The following SBF2 variants were observed in gnomAD, a reference collection of about 807,000 sequenced individuals.
SBF2 encodes myotubularin-related protein 13.
Under a neutral mutation model 225.2 loss-of-function variants are expected in SBF2, and 112 were observed. The observed-to-expected ratio is 0.50, with a 90% CI of 0.43 to 0.58. The LOEUF (loss-of-function observed/expected upper bound fraction) is 0.58, where lower values mean the gene tolerates loss of function less well. Ranked by LOEUF, SBF2 falls within the 20% of genes least tolerant of loss-of-function variation. The probability of loss-of-function intolerance (pLI) is 0.00; values close to 1 mark genes in which losing one functional copy is unlikely to be tolerated. For synonymous variants in SBF2, 763 were observed against 773.3 expected (o/e 0.99, Z 0.22); for missense variants, 1,996 against 2,206.2 (o/e 0.90, Z 1.91).
At chr11:9,911,601 A>C (rs924631770) in intron 16 of SBF2, among the ~76,000 whole-genome samples, 1 of 152,198 alleles carries the variant, frequency 6.6e-6, no homozygotes, top group Non-Finnish European at 1.5e-5. Context: ...GTCTAAATGT[A>C]AAGTGTTTAT....
chr11:9,812,447 T>C (rs900298067), intron 30 of SBF2, 85 bp downstream of exon 30: 2 of 1,431,014 alleles, frequency 1.4e-6, no homozygotes, highest in Non-Finnish European at 1.9e-6. Flanking sequence ...GAACAAAGTA[T>C]TTTTTTTCTC....
intron 13 of SBF2, among the ~76,000 whole-genome samples, chr11:9,981,860 G>A (rs1174800664): frequency 6.6e-6 from 1 of 152,032 alleles, no homozygotes; most frequent in East Asian, 1.9e-4. Flanking sequence ...CTAAAGTCAG[G>A]ACCTAATCGT....
At chr11:10,229,627 G>GT (rs1288178716) in intron 1 of SBF2, among the ~76,000 whole-genome samples, 2 of 152,204 alleles carry the variant, frequency 1.3e-5, no homozygotes, top group African/African-American at 2.4e-5. Context: ...GTGGTTTTGA[G>GT]TGAGTTTCTT....
chr11:9,937,196 T>C lies in SBF2; in HGVS notation c.1860+24761A>G, dbSNP rs1864956582. On this transcript the variant is annotated intron_variant, in intron 16 of 39. Transcript: ENST00000256190. ...TTTGACACATATTCAGCACAATATA[T>C]GCAAATACCCCAATGACATCAGCGG... Among the ~76,000 whole-genome samples the C allele has an allele frequency of 2.0e-5, 3 of 152,186 alleles. No individual in the cohort carries two copies. In the South Asian group the frequency reaches 6.2e-4, roughly 31 times the overall value.
At chr11:10,239,850 TTA>T (rs1274780381) in intron 1 of SBF2, among the ~76,000 whole-genome samples, 1 of 152,182 alleles carries the variant, frequency 6.6e-6, no homozygotes. Context: ...AAAATTTTGA[TTA>T]TGTTTTATGT....
rs181062900 is a variant in SBF2 at position 10,137,495 on chromosome 11, A to G, written c.141+56407T>C. On this transcript the variant is annotated intron_variant, in intron 2 of 39. Transcript: ENST00000256190. ...TCTCAATCTTAGGGGGAAAGCATTCAATTTTTCACCAGTAAGTATAATGTT... is the reference window on the plus strand; with the variant it reads ...TCTCAATCTTAGGGGGAAAGCATTCGATTTTTCACCAGTAAGTATAATGTT... Among the ~76,000 whole-genome samples, 60 of 152,304 alleles carry G rather than the reference A, an allele frequency of 3.9e-4. 1 individual carries two copies. The highest frequency in any genetic ancestry group is 1.3e-3 in the African/African-American group (54 of 41,558).
intron 2 of SBF2, among the ~76,000 whole-genome samples, chr11:10,044,965 C>A (rs1046531213): frequency 1.3e-5 from 2 of 152,134 alleles, no homozygotes; most frequent in Non-Finnish European, 2.9e-5. Context: ...AACCACTAGA[C>A]TGGGAAGCAA....
chr11:10,199,296 C>A (rs1957491911), intron 1 of SBF2, among the ~76,000 whole-genome samples: 1 of 152,016 alleles, frequency 6.6e-6, no homozygotes, highest in Non-Finnish European at 1.5e-5. Flanking sequence ...AAATTTGCCA[C>A]CTTTCATGGG....
chr11:10,115,031 A>G (rs1953063491), intron 2 of SBF2, among the ~76,000 whole-genome samples: 1 of 152,214 alleles, frequency 6.6e-6, no homozygotes, highest in Non-Finnish European at 1.5e-5. Context: ...TATGGGAAAG[A>G]GGTTCATATG....
intron 16 of SBF2, among the ~76,000 whole-genome samples, chr11:9,947,098 C>T (rs934290940): frequency 6.6e-6 from 1 of 152,164 alleles, no homozygotes; most frequent in Non-Finnish European, 1.5e-5. Context: ...ACTGGTAGTC[C>T]ATGGCATGCA....
chr11:10,031,899 C>T (rs780563090), intron 3 of SBF2, among the ~76,000 whole-genome samples: 23 of 152,110 alleles, frequency 1.5e-4, no homozygotes, highest in Non-Finnish European at 2.6e-4. Flanking sequence ...CACTCCACCA[C>T]GCCAGGTTAA....
At chr11:10,152,406 G>A (rs749128663) in intron 2 of SBF2, among the ~76,000 whole-genome samples, 3 of 151,880 alleles carry the variant, frequency 2.0e-5, no homozygotes, top group African/African-American at 4.8e-5. Flanking sequence ...AAAATTAGCC[G>A]GGCGTGGTGG....
chr11:9,840,516 G>A (rs1191856857), intron 25 of SBF2, among the ~76,000 whole-genome samples: 1 of 152,118 alleles, frequency 6.6e-6, no homozygotes, highest in African/African-American at 2.4e-5. Context: ...TACCTACACT[G>A]TTCTGTTTCA....
intron 2 of SBF2, among the ~76,000 whole-genome samples, chr11:10,105,658 T>C (rs1236343424): frequency 6.6e-6 from 1 of 152,222 alleles, no homozygotes; most frequent in Non-Finnish European, 1.5e-5. Flanking sequence ...TAACATATGC[T>C]GTAAATGTCA....
chr11:9,977,697 CTGTT>C, intron 13 of SBF2, among the ~76,000 whole-genome samples: 1 of 152,316 alleles, frequency 6.6e-6, no homozygotes, highest in Non-Finnish European at 1.5e-5. Flanking sequence ...AATGCTTACA[CTGTT>C]TGTCTCTAGT....
rs570303878 is a variant in SBF2, at chr11:10,030,698, C to T, written c.402+350G>A. On this transcript the variant is annotated intron_variant, in intron 4 of 39. Transcript: ENST00000256190. ...CACCCTATTTACTTGAACCTGATTC[C>T]TCACAAGGTGAATATACATACACGA... 2.6e-5 allele frequency among the ~76,000 whole-genome samples: 4 copies of T among 152,242 alleles called. No homozygotes were observed. In the East Asian group the frequency reaches 7.7e-4, roughly 29 times the overall value.
intron 1 of SBF2, among the ~76,000 whole-genome samples, chr11:10,276,926 C>G (rs907314831): frequency 2.0e-4 from 31 of 152,004 alleles, no homozygotes; most frequent in Non-Finnish European, 4.4e-4. Flanking sequence ...CAAATTTAAG[C>G]CTTTCTTAAA....
intron 4 of SBF2, 43 bp downstream of exon 4, chr11:10,031,003 TCA>T (rs767660930): frequency 6.2e-5 from 95 of 1,523,658 alleles, no homozygotes; most frequent in Admixed American, 1.0e-4. Context: ...TTCAAGAGAC[TCA>T]CACAATAATA....
intron 1 of SBF2, among the ~76,000 whole-genome samples, chr11:10,260,281 A>C (rs1591322887): frequency 1.3e-5 from 2 of 152,330 alleles, no homozygotes; most frequent in Middle Eastern, 6.8e-3. Flanking sequence ...ATTTTGGCAT[A>C]TGCAAAGAAG....
Sources: allele counts gnomAD v4.1 joint callset (sites outside exome capture counted in the v4.1 genomes callset), GRCh38; gene constraint gnomAD v4.1.1; transcripts MANE v1.5; gene names NCBI Gene and HGNC (gene_info 2026-07-23, HGNC 2026-07-21).